Variants in DIP2A observed in about 807,000 individuals in gnomAD.
The protein encoded by DIP2A is disco-interacting protein 2 homolog A.
In DIP2A, 85 loss-of-function variants were observed where a neutral mutation model predicts 177.4. The ratio of observed to expected loss-of-function variants is 0.48; its 90% confidence interval spans 0.40 to 0.57. DIP2A has a LOEUF of 0.57. DIP2A is among the 20% of genes least tolerant of loss of function. The probability of loss-of-function intolerance (pLI) is 0.00; values close to 1 mark genes in which losing one functional copy is unlikely to be tolerated. For missense variants in DIP2A, 1,791 were observed against 2,100.2 expected, an observed-to-expected ratio of 0.85 and a Z score of 2.88; for synonymous variants, 886 against 881.8, an observed-to-expected ratio of 1.00 and a Z score of -0.08.
chr21:46,561,567 G>T, intron 33 of DIP2A, 181 bp from the exon 34 acceptor site: 1 of 794,012 alleles, frequency 1.3e-6, no homozygotes, highest in Non-Finnish European at 2.1e-6. Flanking sequence ...GGCGGCACTT[G>T]GGACCGCAGC....
intron 1 of DIP2A, among the ~76,000 whole-genome samples, chr21:46,480,826 C>T (rs984615847): frequency 2.0e-5 from 3 of 152,354 alleles, no homozygotes; most frequent in African/African-American, 4.8e-5. Flanking sequence ...GGATTGGAAC[C>T]TGCCGGGCCC....
At chr21:46,509,176 G>T in intron 6 of DIP2A, 81 bp from the exon 7 acceptor site, 1 of 1,440,122 alleles carries the variant, frequency 6.9e-7, no homozygotes. Context: ...GCATCGTGTG[G>T]TTTGTCCTTG....
Position 46,537,291 on chromosome 21 carries a change from G to A in DIP2A, c.1707+3G>A. 6.2e-7 allele frequency: 1 copy of A among 1,614,004 alleles called. No individual in the cohort carries two copies. Among genetic ancestry groups the A allele is most frequent in the Non-Finnish European group, 8.5e-7 (1 of 1,179,868 alleles). The stretch of plus-strand genomic sequence containing the variant: ...GTCTGTGGCATGGCGTGTTAACAGT[G>A]AGTGTTGTTTGCTGATGACTAACTG... On this transcript the variant is annotated splice_donor_region_variant and intron_variant, in intron 14 of 37. Coordinates refer to ENST00000417564, the MANE Select transcript of DIP2A (RefSeq NM_015151.4). The surrounding 1 kb of genome is among the most constrained non-coding windows in gnomAD (Gnocchi z 4.1).
At chr21:46,530,113 G>A (rs1569046434) in intron 9 of DIP2A, among the ~76,000 whole-genome samples, 1 of 152,206 alleles carries the variant, frequency 6.6e-6, no homozygotes, top group South Asian at 2.1e-4. Flanking sequence ...CTGTTGGACA[G>A]TACTACTGTA....
At chr21:46,495,569 C>T (rs2057312322) in intron 3 of DIP2A, among the ~76,000 whole-genome samples, 2 of 151,838 alleles carry the variant, frequency 1.3e-5, no homozygotes, top group African/African-American at 2.4e-5. Flanking sequence ...TGCCCATCCT[C>T]TCTCTCTCTT....
rs1444490373 is a variant in DIP2A, at chr21:46,556,742, A to G, written c.3499-197A>G. Reference sequence around the variant, plus strand: ...ATTACCCTGAAATTTTGTTTCAAAGATTTTTAGTGTACCATTTCTTGGGTA... The same window carrying G: ...ATTACCCTGAAATTTTGTTTCAAAGGTTTTTAGTGTACCATTTCTTGGGTA... On this transcript the variant is annotated intron_variant, in intron 29 of 37. Transcript: ENST00000417564. This position sits in a 1 kb window ranked among gnomAD's most constrained non-coding sequence, Gnocchi z 4.5. 1 of 541,796 alleles carries G rather than the reference A, an allele frequency of 1.8e-6. No homozygotes were observed. 33.6% of individuals were successfully genotyped at this position (541,796 alleles called of 1,614,324 possible).
chr21:46,554,605 G>A lies in DIP2A; in HGVS notation c.3185G>A (p.Cys1062Tyr). 6.2e-7 allele frequency: 1 copy of A among 1,611,268 alleles called. No homozygotes were observed. Among genetic ancestry groups the A allele is most frequent in the Non-Finnish European group, 8.5e-7 (1 of 1,178,842 alleles). ...GACCTCATTGCCGCGTTCTATGGCT[G>A]CTTGTACTGTGGCTGCGTGCCTGTC... Reference protein sequence around the residue: ...GVDLIAAFYGCLYCGCVPVTV... With the variant: ...GVDLIAAFYGYLYCGCVPVTV... The change falls in exon 27 of 38, where the codon TGC becomes TAC. Residue 1062 changes from cysteine (C) to tyrosine (Y), a missense_variant. Physicochemically the swap from Cys to Tyr is radical, Grantham distance 194. Coordinates refer to ENST00000417564, the MANE Select transcript of DIP2A (RefSeq NM_015151.4).
Position 46,551,696 on chromosome 21 carries a change from T to G in DIP2A, c.2902T>G (p.Ser968Ala), listed in dbSNP as rs1180627920. 1 of 1,613,980 alleles carries G rather than the reference T, an allele frequency of 6.2e-7. No individual in the cohort carries two copies. Residue 968 changes from serine to alanine, a missense_variant, in exon 24 of 38, where the codon TCC (serine) becomes GCC (alanine). Coordinates refer to ENST00000417564, the MANE Select transcript of DIP2A (RefSeq NM_015151.4). Reference sequence around the variant, plus strand: ...TGCTGGGAAGAGAATCGCTCAGGCTTCCGGGAGAGAGCTCGCCCACCTGGA... The same window carrying G: ...TGCTGGGAAGAGAATCGCTCAGGCTGCCGGGAGAGAGCTCGCCCACCTGGA... ...LVAGKRIAQASGRELAHLEDS... is the reference protein window; with the variant it reads ...LVAGKRIAQAAGRELAHLEDS...
rs2055617023 is a variant in DIP2A at position 46,473,897 on chromosome 21, T to C, written c.92-10860T>C. ...CACACAGCCCCACCTTTTTAAAAAATGTATTAACAAAACATTTCTGCATAA... is the reference window on the plus strand; with the variant it reads ...CACACAGCCCCACCTTTTTAAAAAACGTATTAACAAAACATTTCTGCATAA... On this transcript the variant is annotated intron_variant, in intron 1 of 37. Coordinates refer to ENST00000417564, the MANE Select transcript of DIP2A (RefSeq NM_015151.4). 2.6e-5 allele frequency among the ~76,000 whole-genome samples: 4 copies of C among 152,192 alleles called. No homozygotes were observed. The South Asian group carries it at 8.3e-4, about 32-fold the overall frequency.
At chr21:46,467,286 A>C (rs1355065573) in intron 1 of DIP2A, among the ~76,000 whole-genome samples, 51 of 122,790 alleles carry the variant, frequency 4.2e-4, no homozygotes, top group African/African-American at 1.5e-3. Flanking sequence ...ACAGAGCGAG[A>C]CTCCGTCTCA....
chr21:46,567,567 GGGACGGCTTCCTGGCTGACCAGCT>G lies in DIP2A; in HGVS notation c.4666_4689del (p.Gly1556_Asp1563del). The G allele has an allele frequency of 6.2e-7, 1 of 1,613,020 alleles. No homozygotes were observed. Among genetic ancestry groups the G allele is most frequent in the Non-Finnish European group, 8.5e-7 (1 of 1,179,272 alleles). On this transcript the variant is annotated inframe_deletion, in exon 38 of 38. Transcript: ENST00000417564. ...GGTGAGAAGCAGCGCATGCACCTGCGGGACGGCTTCCTGGCTGACCAGCTGGACCCCATCTATGTCGCCTACAAC... is the reference window on the plus strand; with the variant it reads ...GGTGAGAAGCAGCGCATGCACCTGCGGGACCCCATCTATGTCGCCTACAAC...
chr21:46,511,323 TA>T, intron 7 of DIP2A, 93 bp from the exon 8 acceptor site: 1 of 1,298,456 alleles, frequency 7.7e-7, no homozygotes, highest in Non-Finnish European at 1.0e-6. Context: ...TAGTTGGGAT[TA>T]AAAAACAATA....
At chr21:46,527,364 C>G (rs542354107) in intron 8 of DIP2A, among the ~76,000 whole-genome samples, 1 of 128,424 alleles carries the variant, frequency 7.8e-6, no homozygotes, top group Non-Finnish European at 1.6e-5. Context: ...GTCTCACTCT[C>G]GCCCAGGCTA....
intron 2 of DIP2A, among the ~76,000 whole-genome samples, chr21:46,485,918 A>T (rs1202964004): frequency 6.6e-6 from 1 of 151,740 alleles, no homozygotes; most frequent in Admixed American, 6.6e-5. Flanking sequence ...TAAAAATATA[A>T]AAATTCGCCG....
At position 46,504,458 on chromosome 21, in the gene DIP2A, G is replaced by T. The variant is rs978145862; in HGVS notation, c.753G>T (p.Gly251=). Residue 251 remains glycine (G), a synonymous_variant, in exon 6 of 38, where the codon GGG becomes GGT. Coordinates refer to ENST00000417564, the MANE Select transcript of DIP2A (RefSeq NM_015151.4). ...QVASVRSVPR[G]CSGSMLETAD... ...CTTCTGTGAGAAGTGTTCCTCGGGG[G>T]TGCAGCGGGAGCATGCTGGAAACAG... is the stretch of plus-strand genomic sequence containing the variant. 5 of 1,612,406 alleles carry T rather than the reference G, an allele frequency of 3.1e-6. No homozygotes were observed. The highest frequency in any genetic ancestry group is 2.2e-5 in the East Asian group (1 of 44,860).
intron 1 of DIP2A, among the ~76,000 whole-genome samples, chr21:46,477,660 G>A (rs2056016780): frequency 7.1e-6 from 1 of 141,766 alleles, no homozygotes; most frequent in South Asian, 2.4e-4. Context: ...TGCAACCTCC[G>A]CCTCCCTGGT....
In DIP2A at chr21:46,509,203, C is replaced by G. The variant is rs1247042640; in HGVS notation, c.785-54C>G. On this transcript the variant is annotated intron_variant, in intron 6 of 37. Coordinates refer to ENST00000417564, the MANE Select transcript of DIP2A (RefSeq NM_015151.4). Reference sequence around the variant, plus strand: ...TTGTCCTTGGACCTTACACCTGTGTCCACTTCTTCAGATGTGTCCTGGCCT... The same window carrying G: ...TTGTCCTTGGACCTTACACCTGTGTGCACTTCTTCAGATGTGTCCTGGCCT... 6.1e-5 allele frequency: 94 copies of G among 1,548,866 alleles called. 1 individual carries two copies. The highest frequency in any genetic ancestry group is 7.5e-5 in the Non-Finnish European group (86 of 1,149,310).
chr21:46,471,422 C>T (rs149652402), intron 1 of DIP2A, among the ~76,000 whole-genome samples: 56 of 152,276 alleles, frequency 3.7e-4, no homozygotes, highest in East Asian at 3.5e-3. Context: ...CACCCTTATA[C>T]GTGTACAGCC....
rs1369042343 is a variant in DIP2A, at chr21:46,474,962, A to G, written c.92-9795A>G. On this transcript the variant is annotated intron_variant, in intron 1 of 37. Coordinates refer to ENST00000417564, the MANE Select transcript of DIP2A (RefSeq NM_015151.4). Reference sequence around the variant, plus strand: ...GATGGGAGGTGGTAATGAGGAAAGGATATGGTTTTCATCGGTTTTCCAGAG... The same window carrying G: ...GATGGGAGGTGGTAATGAGGAAAGGGTATGGTTTTCATCGGTTTTCCAGAG... Among the ~76,000 whole-genome samples, 4 of 152,140 alleles carry G rather than the reference A, an allele frequency of 2.6e-5. No homozygotes were observed. The East Asian group carries it at 7.7e-4, about 29-fold the overall frequency.
Sources: gnomAD v4.1 joint callset for allele counts (sites outside exome capture counted in the v4.1 genomes callset) on GRCh38, gnomAD v4.1.1 for gene constraint, Gnocchi (gnomAD v3.1) non-coding constraint, MANE v1.5 for transcripts, NCBI Gene and HGNC (gene_info 2026-07-23, HGNC 2026-07-21) for gene names.